The following EDNRB variants were observed in gnomAD, a reference collection of about 807,000 sequenced individuals.
EDNRB encodes Hirschsprung disease 2.
EDNRB carries 18 observed loss-of-function variants against 46.4 expected under a neutral mutation model. The observed-to-expected ratio is 0.39, with a 90% confidence interval of 0.27 to 0.57. EDNRB has a LOEUF of 0.57. EDNRB is among the 20% of genes least tolerant of loss of function. The pLI is 0.61. For synonymous variants in EDNRB, 213 were observed against 204.9 expected (o/e 1.04, Z -0.34); for missense variants, 434 against 537.5 (o/e 0.81, Z 1.90).
upstream of EDNRB, chr13:77,919,791 T>A (rs1422192356): frequency 1.6e-6 from 1 of 615,880 alleles, no homozygotes; most frequent in Non-Finnish European, 2.8e-6. Flanking sequence ...TCTACGCTCT[T>A]CAAATGAACC....
intron 1 of EDNRB, among the ~76,000 whole-genome samples, chr13:77,905,305 C>G (rs561615268): frequency 6.6e-6 from 1 of 151,762 alleles, no homozygotes; most frequent in Non-Finnish European, 1.5e-5. Flanking sequence ...TCTAAAGAAC[C>G]CAGATTGGAA....
chr13:77,936,180 G>T lies in EDNRB; in HGVS notation c.-51-17556C>A, dbSNP rs183156452. 6.0e-3 allele frequency among the ~76,000 whole-genome samples: 920 copies of T among 152,182 alleles called. 13 individuals are homozygous for T. Among genetic ancestry groups the T allele is most frequent in the African/African-American group, 0.021 (874 of 41,508 alleles). On this transcript the variant is annotated intron_variant, in intron 1 of 7. Transcript: ENST00000646948. ...TGTCTTATACTTGTGGGTTAAGGTG[G>T]GGAGATACAAGGGGAGGATGTGAAG...
intron 1 of EDNRB, among the ~76,000 whole-genome samples, chr13:77,961,175 G>A (rs1881399365): frequency 6.6e-6 from 1 of 152,092 alleles, no homozygotes; most frequent in African/African-American, 2.4e-5. Flanking sequence ...ATTGAACTCA[G>A]CTCTGCACCA....
chr13:77,960,392 T>A lies in EDNRB; in HGVS notation c.-52+14955A>T, dbSNP rs557126396. Among the ~76,000 whole-genome samples the A allele has an allele frequency of 5.3e-5, 8 of 152,228 alleles. No homozygotes were observed. The East Asian group carries it at 1.4e-3, about 26-fold the overall frequency. On this transcript the variant is annotated intron_variant, in intron 1 of 7. Coordinates refer to the EDNRB transcript ENST00000646948. Reference sequence around the variant, plus strand: ...AGTGGGGGCCAATATTCAACATTATTAAAGAAAAGAATTTTCAACCCCAGA... The same window carrying A: ...AGTGGGGGCCAATATTCAACATTATAAAAGAAAAGAATTTTCAACCCCAGA...
chr13:77,897,796 T>C lies in EDNRB; in HGVS notation c.*404A>G, dbSNP rs1423794861. ...GAGTAATTTAAGCTTCATTTAAAAG[T>C]TCTGTTTTACAGTGACTTATTCTTC... On this transcript the variant is annotated 3_prime_UTR_variant, in exon 7 of 7. Transcript: ENST00000646607. The C allele has an allele frequency of 1.0e-6, 1 of 991,042 alleles. No homozygotes were observed. The highest frequency in any genetic ancestry group is 1.7e-5 in the African/African-American group (1 of 57,252). The allele number at this position is 991,042 out of a possible 1,614,324, so 61.4% of individuals were successfully genotyped here.
In EDNRB at chr13:77,896,419, A is replaced by G; in HGVS notation, c.*1781T>C. 1 of 1,541,316 alleles carries G rather than the reference A, an allele frequency of 6.5e-7. No homozygotes were observed. Among genetic ancestry groups the G allele is most frequent in the Non-Finnish European group, 8.7e-7 (1 of 1,143,578 alleles). On this transcript the variant is annotated 3_prime_UTR_variant, in exon 7 of 7. Transcript: ENST00000646607. ...GAACAAGTTTGTGGGTGATTTATAA[A>G]TAGAATCCATATGGTGTGTGAATTA...
intron 1 of EDNRB, among the ~76,000 whole-genome samples, chr13:77,963,559 C>T (rs1171860693): frequency 6.6e-6 from 1 of 152,124 alleles, no homozygotes; most frequent in Non-Finnish European, 1.5e-5. Context: ...GGAAAACTGG[C>T]TAGCCATATG....
At chr13:77,949,782 C>G (rs1304576077) in intron 1 of EDNRB, among the ~76,000 whole-genome samples, 1 of 152,124 alleles carries the variant, frequency 6.6e-6, no homozygotes, top group African/African-American at 2.4e-5. Context: ...TGAGTAATCC[C>G]ACAAAGCACA....
intron 1 of EDNRB, among the ~76,000 whole-genome samples, chr13:77,956,423 T>G (rs371960280): frequency 3.9e-5 from 6 of 152,152 alleles, no homozygotes; most frequent in African/African-American, 9.7e-5. Context: ...TGTAGATACT[T>G]TGGAGCTTTG....
chr13:77,942,025 C>G (rs527865308), intron 1 of EDNRB, among the ~76,000 whole-genome samples: 10 of 152,318 alleles, frequency 6.6e-5, no homozygotes, highest in Non-Finnish European at 2.9e-5. Context: ...TTCTGCCTGT[C>G]ATGTGCTTAC....
At chr13:77,953,168 A>G (rs1049002018) in intron 1 of EDNRB, among the ~76,000 whole-genome samples, 3 of 152,180 alleles carry the variant, frequency 2.0e-5, no homozygotes, top group Non-Finnish European at 4.4e-5. Flanking sequence ...GCATTTACCA[A>G]ACTTGGTTTA....
chr13:77,900,997 A>G, intron 4 of EDNRB, 61 bp downstream of exon 4: 1 of 1,580,862 alleles, frequency 6.3e-7, no homozygotes, highest in East Asian at 2.3e-5. Flanking sequence ...TCATCATCAT[A>G]ATTTTCATAT....
intron 6 of EDNRB, among the ~76,000 whole-genome samples, chr13:77,899,268 G>A (rs1035587954): frequency 5.3e-5 from 8 of 151,742 alleles, no homozygotes; most frequent in Non-Finnish European, 1.0e-4. Flanking sequence ...TTAGGGGAGG[G>A]GATATTTTAT....
chr13:77,926,277 T>C (rs1245282319), intron 1 of EDNRB, among the ~76,000 whole-genome samples: 1 of 152,240 alleles, frequency 6.6e-6, no homozygotes, highest in Admixed American at 6.5e-5. Flanking sequence ...AATGGGTTTT[T>C]CTTTTCTATT....
At chr13:77,971,724 A>G (rs188080364) in intron 1 of EDNRB, among the ~76,000 whole-genome samples, 196 of 152,290 alleles carry the variant, frequency 1.3e-3, no homozygotes, top group Non-Finnish European at 1.9e-3. Context: ...TTCAAGCTTT[A>G]AATTGATCTG....
intron 6 of EDNRB, among the ~76,000 whole-genome samples, chr13:77,899,052 A>T (rs888888273): frequency 6.6e-6 from 1 of 151,680 alleles, no homozygotes; most frequent in Non-Finnish European, 1.5e-5. Context: ...TCTTCTGTTC[A>T]TTCTATTTGT....
chr13:77,951,429 CTCAA>C, intron 1 of EDNRB, among the ~76,000 whole-genome samples: 1 of 152,260 alleles, frequency 6.6e-6, no homozygotes, highest in East Asian at 1.9e-4. Context: ...AATATCAAAT[CTCAA>C]TCAGCAATTT....
chr13:77,970,463 G>C (rs1037304130), intron 1 of EDNRB, among the ~76,000 whole-genome samples: 7 of 152,124 alleles, frequency 4.6e-5, no homozygotes, highest in Non-Finnish European at 8.8e-5. Context: ...TTTTAGGATA[G>C]TTTGTAACTG....
chr13:77,923,879 T>A (rs1451999726), upstream of EDNRB, among the ~76,000 whole-genome samples: 2 of 152,108 alleles, frequency 1.3e-5, no homozygotes, highest in Non-Finnish European at 2.9e-5. Context: ...GCTTTTTTTC[T>A]TCTTCTTTTG....
Sources: gnomAD v4.1 joint callset for allele counts (sites outside exome capture counted in the v4.1 genomes callset) on GRCh38, gnomAD v4.1.1 for gene constraint, MANE v1.5 for transcripts, NCBI Gene and HGNC (gene_info 2026-07-23, HGNC 2026-07-21) for gene names.